The following SYT7 variants were observed in gnomAD, a reference collection of about 807,000 sequenced individuals.
SYT7 encodes synaptotagmin 7, also known as synaptotagmin-7.
In SYT7, 29 loss-of-function variants were observed where a neutral mutation model predicts 75.1. The observed-to-expected ratio is 0.39, with a 90% CI of 0.29 to 0.53. The LOEUF is 0.53. SYT7 is among the 20% of genes least tolerant of loss of function. The pLI, the probability that SYT7 is intolerant of heterozygous loss-of-function variation, is 0.77. For missense variants in SYT7, 693 were observed against 953.2 expected, an observed-to-expected ratio of 0.73 and a Z score of 3.59; for synonymous variants, 376 against 401.7, an observed-to-expected ratio of 0.94 and a Z score of 0.76.
At chr11:61,587,935 G>C in the SYT7 span, among the ~76,000 whole-genome samples, 3 of 152,364 alleles carry the variant, frequency 2.0e-5, no homozygotes, top group African/African-American at 7.2e-5. Context: ...GGGGGGCGGG[G>C]GACATGACTC....
In SYT7 at chr11:61,542,681, G is replaced by A; in HGVS notation, c.573-102C>T. ...CCAGGACTAGGAGGCCCCAGTGCAG[G>A]GTGCGCGCTGCCGGACCTCGCCAGG... On this transcript the variant is annotated intron_variant, in intron 5 of 12. Coordinates refer to ENST00000539008, the MANE Select transcript of SYT7 (RefSeq NM_001365809.2). This position sits in a 1 kb window ranked among gnomAD's most constrained non-coding sequence, Gnocchi z 7.8. 7.1e-7 allele frequency: 1 copy of A among 1,398,614 alleles called. No homozygotes were observed. The highest frequency in any genetic ancestry group is 1.6e-5 in the South Asian group (1 of 62,830). The allele number at this position is 1,398,614 out of a possible 1,614,324, so 86.6% of individuals were successfully genotyped here.
intron 1 of SYT7, among the ~76,000 whole-genome samples, chr11:61,562,609 C>T (rs1267857620): frequency 1.3e-5 from 2 of 152,162 alleles, no homozygotes; most frequent in African/African-American, 4.8e-5. Context: ...CTAGTTTTCT[C>T]CACAGGATGG....
chr11:61,572,413 C>T (rs1179377517), intron 1 of SYT7, among the ~76,000 whole-genome samples: 3 of 152,172 alleles, frequency 2.0e-5, no homozygotes, highest in Admixed American at 6.5e-5. Flanking sequence ...GGCTGAGAGA[C>T]GGGCTGGCTT....
chr11:61,557,496 G>A (rs1283614535), intron 1 of SYT7, among the ~76,000 whole-genome samples: 1 of 152,148 alleles, frequency 6.6e-6, no homozygotes, highest in African/African-American at 2.4e-5. Flanking sequence ...AGGGGCCTCT[G>A]GGCTCCCTCC....
chr11:61,567,681 C>A (rs964348824), intron 1 of SYT7, among the ~76,000 whole-genome samples: 1 of 152,248 alleles, frequency 6.6e-6, no homozygotes, highest in Non-Finnish European at 1.5e-5. Context: ...CATTCCCTCC[C>A]GGGGGCCCGC....
At position 61,523,159 on chromosome 11, in the gene SYT7, G is replaced by T. The variant is rs773820462; in HGVS notation, c.1872C>A (p.Ile624=). The change falls in exon 12 of 13, where the codon ATC becomes ATA. Residue 624 remains isoleucine (I), a synonymous_variant. Coordinates refer to ENST00000539008, the MANE Select transcript of SYT7 (RefSeq NM_001365809.2). This position sits in a 1 kb window ranked among gnomAD's most constrained non-coding sequence, Gnocchi z 5.0. Reference sequence around the variant, plus strand: ...TCGTCTCCCTCAGCTTCTCCGTGGGGATATCGAAGGCGAAGGACTCATTGA... The same window carrying T: ...TCGTCTCCCTCAGCTTCTCCGTGGGTATATCGAAGGCGAAGGACTCATTGA... ...PIFNESFAFD[I]PTEKLRETTI... 56 of 1,614,216 alleles carry T rather than the reference G, an allele frequency of 3.5e-5. No homozygotes were observed. The East Asian group carries it at 4.0e-4, about 12-fold the overall frequency.
chr11:61,574,858 G>A (rs1435292783), intron 1 of SYT7, among the ~76,000 whole-genome samples: 1 of 152,016 alleles, frequency 6.6e-6, no homozygotes, highest in Non-Finnish European at 1.5e-5. Flanking sequence ...CCAGGGCCCC[G>A]CCGGGAGCAG....
chr11:61,570,393 G>A (rs1181644183), intron 1 of SYT7, among the ~76,000 whole-genome samples: 1 of 152,144 alleles, frequency 6.6e-6, no homozygotes, highest in Admixed American at 6.5e-5. Flanking sequence ...GTTCTGCAAG[G>A]GTTATAATTG....
chr11:61,521,031 C>T (rs144585494), intron 12 of SYT7, among the ~76,000 whole-genome samples: 2 of 152,176 alleles, frequency 1.3e-5, no homozygotes, highest in East Asian at 1.9e-4. Context: ...TCTCAGCCAG[C>T]GGCTCCATCC....
At position 61,518,626 on chromosome 11, in the gene SYT7, C is replaced by A. The variant is rs749555398; in HGVS notation, c.*1G>T. Reference sequence around the variant, plus strand: ...GCCCCCTGGGCCTCCCTTGGCCCCACTCAGGCCTTCAGCTGGTGCCACTGG... The same window carrying A: ...GCCCCCTGGGCCTCCCTTGGCCCCAATCAGGCCTTCAGCTGGTGCCACTGG... On this transcript the variant is annotated 3_prime_UTR_variant, in exon 13 of 13. Transcript: ENST00000539008. 3 of 1,544,644 alleles carry A rather than the reference C, an allele frequency of 1.9e-6. No individual in the cohort carries two copies. Among genetic ancestry groups the A allele is most frequent in the Non-Finnish European group, 2.6e-6 (3 of 1,143,754 alleles).
intron 1 of SYT7, among the ~76,000 whole-genome samples, chr11:61,572,129 C>T (rs957836493): frequency 2.0e-5 from 3 of 151,928 alleles, no homozygotes; most frequent in Non-Finnish European, 4.4e-5. Flanking sequence ...GGGGGGGGCA[C>T]ACAGACAATT....
intron 1 of SYT7, among the ~76,000 whole-genome samples, chr11:61,562,803 C>T (rs932725292): frequency 1.3e-5 from 2 of 152,128 alleles, no homozygotes; most frequent in Non-Finnish European, 2.9e-5. Context: ...TGTGAACTGC[C>T]GACCCAATCC....
rs1172816595 is a variant in SYT7, at chr11:61,517,069, T to G, written c.*1558A>C. The G allele has an allele frequency of 5.1e-6, 2 of 392,732 alleles. No homozygotes were observed. Among genetic ancestry groups the G allele is most frequent in the African/African-American group, 4.1e-5 (2 of 48,480 alleles). The allele number at this position is 392,732 out of a possible 1,614,324, so 24.3% of individuals were successfully genotyped here. ...GCCCATCCAGAGTGGAACTGGGGGCTAAGACCACGGCCACAGACTGTGGGG... is the reference window on the plus strand; with the variant it reads ...GCCCATCCAGAGTGGAACTGGGGGCGAAGACCACGGCCACAGACTGTGGGG... On this transcript the variant is annotated 3_prime_UTR_variant, in exon 13 of 13. Coordinates refer to ENST00000539008, the MANE Select transcript of SYT7 (RefSeq NM_001365809.2).
Position 61,580,340 on chromosome 11 carries a change from T to C in SYT7, c.31+450A>G, listed in dbSNP as rs1417319279. On this transcript the variant is annotated intron_variant, in intron 1 of 12. Transcript: ENST00000539008. This position sits in a 1 kb window ranked among gnomAD's most constrained non-coding sequence, Gnocchi z 6.1. ...TCTCAATTCACAGTTGGCACTGCGA[T>C]GCCACTCCGCTCCCCTGTGCCCGCA... Among the ~76,000 whole-genome samples the C allele has an allele frequency of 6.6e-6, 1 of 152,028 alleles. No homozygotes were observed. Among genetic ancestry groups the C allele is most frequent in the African/African-American group, 2.4e-5 (1 of 41,414 alleles).
intron 1 of SYT7, among the ~76,000 whole-genome samples, chr11:61,572,680 G>A (rs2063954561): frequency 6.6e-6 from 1 of 152,166 alleles, no homozygotes; most frequent in Admixed American, 6.5e-5. Flanking sequence ...GCACCACTGG[G>A]AGCCTCTCCC....
chr11:61,535,368 G>A (rs2062839809), intron 7 of SYT7, among the ~76,000 whole-genome samples: 1 of 152,250 alleles, frequency 6.6e-6, no homozygotes, highest in Non-Finnish European at 1.5e-5. Flanking sequence ...GGGGTGGCCT[G>A]GTCCCCGCCT....
Position 61,524,441 on chromosome 11 carries a change from C to T in SYT7, c.1563G>A (p.Val521=). 1 of 1,613,914 alleles carries T rather than the reference C, an allele frequency of 6.2e-7. No individual in the cohort carries two copies. The highest frequency in any genetic ancestry group is 1.3e-5 in the African/African-American group (1 of 75,064). Residue 521 remains valine, a synonymous_variant, in exon 10 of 13, where the codon GTG becomes GTA. Coordinates refer to ENST00000539008, the MANE Select transcript of SYT7 (RefSeq NM_001365809.2). This position sits in a 1 kb window ranked among gnomAD's most constrained non-coding sequence, Gnocchi z 4.1. ...RFSRNDPIGE[V]SIPLNKVDLT... ...GGTCCACCTTGTTAAGGGGGATGGA[C>T]ACCTCCCCAATGGGGTCGTTGCGGC...
chr11:61,519,428 GA>G (rs2062240477), intron 12 of SYT7, among the ~76,000 whole-genome samples: 1 of 152,188 alleles, frequency 6.6e-6, no homozygotes, highest in Admixed American at 6.5e-5. Context: ...GAGCATTGGA[GA>G]AAAAACAGGT....
intron 7 of SYT7, chr11:61,533,550 G>A (rs1292747699): frequency 1.0e-5 from 10 of 985,228 alleles, no homozygotes; most frequent in Middle Eastern, 5.2e-4. Flanking sequence ...GTGCCTCTCC[G>A]CGTCATTACC....
Sources: allele counts gnomAD v4.1 joint callset (sites outside exome capture counted in the v4.1 genomes callset), GRCh38; gene constraint gnomAD v4.1.1; non-coding constraint Gnocchi (gnomAD v3.1); transcripts MANE v1.5; gene names NCBI Gene and HGNC (gene_info 2026-07-23, HGNC 2026-07-21).